Variants in CHD5 observed in about 807,000 individuals in gnomAD.
CHD5 encodes the protein ATP-dependent chromatin remodeler CHD5.
Under a neutral mutation model 230.3 loss-of-function variants are expected in CHD5, and 69 were observed. That is an observed-to-expected ratio of 0.30 (90% CI 0.25 to 0.37). The LOEUF (loss-of-function observed/expected upper bound fraction) is 0.37, where lower values mean the gene tolerates loss of function less well. CHD5 is among the 10% of genes least tolerant of loss of function. The probability of loss-of-function intolerance (pLI) is 1.00; values close to 1 mark genes in which losing one functional copy is unlikely to be tolerated. For missense variants in CHD5, 1,827 were observed against 2,622.8 expected, an observed-to-expected ratio of 0.70 and a Z score of 6.63; for synonymous variants, 1,064 against 1,065.9, an observed-to-expected ratio of 1.00 and a Z score of 0.03.
At chr1:6,145,266 G>A (rs143916311) in intron 11 of CHD5, among the ~76,000 whole-genome samples, 756 of 152,348 alleles carry the variant, frequency 5.0e-3, no homozygotes, top group Non-Finnish European at 8.2e-3. Flanking sequence ...GATGGGAACC[G>A]GGATTGAAAT....
At chr1:6,143,621 G>A (rs1469656845) in intron 13 of CHD5, among the ~76,000 whole-genome samples, 1 of 152,210 alleles carries the variant, frequency 6.6e-6, no homozygotes, top group African/African-American at 2.4e-5. Flanking sequence ...CCAGGTGAGA[G>A]TGGTGTGTAA....
At chr1:6,172,605 C>CA (rs1667355890) in intron 1 of CHD5, among the ~76,000 whole-genome samples, 1 of 150,920 alleles carries the variant, frequency 6.6e-6, no homozygotes, top group African/African-American at 2.5e-5. Flanking sequence ...ACTGTTTGAA[C>CA]ACAGGCAGTG....
At chr1:6,173,326 G>A (rs1046077882) in intron 1 of CHD5, among the ~76,000 whole-genome samples, 5 of 151,846 alleles carry the variant, frequency 3.3e-5, no homozygotes, top group African/African-American at 1.2e-4. Context: ...GGATGGTCTC[G>A]ATCTCCTGAC....
Position 6,149,341 on chromosome 1 carries a change from T to C in CHD5, c.1066A>G (p.Ile356Val), listed in dbSNP as rs1372162079. 6.2e-7 allele frequency: 1 copy of C among 1,612,652 alleles called. No individual in the cohort carries two copies. The highest frequency in any genetic ancestry group is 8.5e-7 in the Non-Finnish European group (1 of 1,179,676). Reference protein sequence around the residue: ...CEVCQQGGEIILCDTCPRAYH... With the variant: ...CEVCQQGGEIVLCDTCPRAYH... ...GCCCTCGGGCAGGTGTCGCACAGGATGATCTCCCCACCCTGCTGGCACACC... is the reference window on the plus strand; with the variant it reads ...GCCCTCGGGCAGGTGTCGCACAGGACGATCTCCCCACCCTGCTGGCACACC... The change falls in exon 8 of 42, where the codon ATC becomes GTC. Residue 356 changes from isoleucine (I) to valine (V), a missense_variant. Around this residue, in one of 14 missense-constraint regions of CHD5, gnomAD observed 657 missense variants for 816.4 expected, o/e 0.80. Transcript: ENST00000262450.
At position 6,142,528 on chromosome 1, in the gene CHD5, G is replaced by A; in HGVS notation, c.2121C>T (p.Gly707=). The A allele has an allele frequency of 6.2e-7, 1 of 1,614,130 alleles. No individual in the cohort carries two copies. Among genetic ancestry groups the A allele is most frequent in the Non-Finnish European group, 8.5e-7 (1 of 1,180,040 alleles). Residue 707 remains glycine (G), a synonymous_variant, in exon 14 of 42, where the codon GGC becomes GGT. Transcript: ENST00000262450. This position sits in a 1 kb window ranked among gnomAD's most constrained non-coding sequence, Gnocchi z 5.2. The stretch of plus-strand genomic sequence containing the variant: ...CCCAAGAGAAGCGCAGCCAGTTGAG[G>A]CCCTCCAGCTGGTACGGGTGCAGTG... ...GGTLHPYQLE[G]LNWLRFSWAQ...
In CHD5 at chr1:6,128,451, GC is replaced by G; in HGVS notation, c.3730+47del. 1.4e-6 allele frequency: 2 copies of G among 1,473,230 alleles called. No individual in the cohort carries two copies. Among genetic ancestry groups the G allele is most frequent in the Non-Finnish European group, 1.9e-6 (2 of 1,056,236 alleles). The allele number at this position is 1,473,230 out of a possible 1,614,324, so 91.3% of individuals were successfully genotyped here. On this transcript the variant is annotated intron_variant, in intron 24 of 41. Transcript: ENST00000262450. The surrounding 1 kb of genome is among the most constrained non-coding windows in gnomAD (Gnocchi z 7.8). ...AGGGAACCCCTCCTCTGCAGGAGCA[GC>G]CACCTGGTCGGAGGAGGAGCTGAGG...
At position 6,105,683 on chromosome 1, in the gene CHD5, C is replaced by T. The variant is rs886297305; in HGVS notation, c.*47-256G>A. ...CTCTGGAGCCTCCTCCAGCAAGACA[C>T]GGTTCCCACAGGGACAGACACAGCG... On this transcript the variant is annotated intron_variant, in intron 41 of 41. Transcript: ENST00000262450. This position sits in a 1 kb window ranked among gnomAD's most constrained non-coding sequence, Gnocchi z 4.8. Among the ~76,000 whole-genome samples the T allele has an allele frequency of 6.6e-6, 1 of 152,168 alleles. No individual in the cohort carries two copies. Among genetic ancestry groups the T allele is most frequent in the Non-Finnish European group, 1.5e-5 (1 of 68,024 alleles).
In CHD5 at chr1:6,155,450, C is replaced by T. The variant is rs1667066228; in HGVS notation, c.506+149G>A. 3 of 653,638 alleles carry T rather than the reference C, an allele frequency of 4.6e-6. No homozygotes were observed. Among genetic ancestry groups the T allele is most frequent in the Non-Finnish European group, 8.1e-6 (3 of 368,890 alleles). The allele number at this position is 653,638 out of a possible 1,614,324, so 40.5% of individuals were successfully genotyped here. On this transcript the variant is annotated intron_variant, in intron 4 of 41. Coordinates refer to ENST00000262450, the MANE Select transcript of CHD5 (RefSeq NM_015557.3). This position sits in a 1 kb window ranked among gnomAD's most constrained non-coding sequence, Gnocchi z 4.0. ...CTGTTAACATGAAGGGGTCCTGCCC[C>T]CTCCCTCCAGCTCCCCCAGGTTGCT...
At position 6,124,675 on chromosome 1, in the gene CHD5, G is replaced by GT. The variant is rs1239420848; in HGVS notation, c.4395-15_4395-14insA. 1.3e-6 allele frequency: 1 copy of GT among 773,252 alleles called. No individual in the cohort carries two copies. Among genetic ancestry groups the GT allele is most frequent in the East Asian group, 2.9e-5 (1 of 34,314 alleles). 47.9% of individuals were successfully genotyped at this position (773,252 alleles called of 1,614,324 possible). A position where few individuals can be genotyped will look rare whatever the true frequency, so the allele number is the denominator to read the frequency against. ...GACACATAGGCTCTGGGGTGGGGGG[G>GT]GGGGACTGGGGCTCAGGGAGTGGGG... On this transcript the variant is annotated splice_polypyrimidine_tract_variant and intron_variant, in intron 29 of 41. Coordinates refer to ENST00000262450, the MANE Select transcript of CHD5 (RefSeq NM_015557.3).
At chr1:6,145,158 C>T (rs555508106) in intron 11 of CHD5, among the ~76,000 whole-genome samples, 1 of 152,228 alleles carries the variant, frequency 6.6e-6, no homozygotes, top group East Asian at 1.9e-4. Flanking sequence ...TTTCAAATTC[C>T]GCGACCCTCG....
chr1:6,150,549 T>A (rs1666989320), intron 7 of CHD5, among the ~76,000 whole-genome samples: 1 of 150,912 alleles, frequency 6.6e-6, no homozygotes, highest in South Asian at 2.1e-4. Flanking sequence ...GACGGATGGA[T>A]GGACAAATGG....
chr1:6,154,389 T>G lies in CHD5; in HGVS notation c.745+271A>C, dbSNP rs886088908. On this transcript the variant is annotated intron_variant, in intron 5 of 41. Transcript: ENST00000262450. The surrounding 1 kb of genome is among the most constrained non-coding windows in gnomAD (Gnocchi z 7.0). ...GCCCACGTCGGGGGCACCTCCTGGC[T>G]GGCCAGGCTCAAACCTCCCAGACCT... 1.3e-5 allele frequency among the ~76,000 whole-genome samples: 2 copies of G among 152,142 alleles called. No homozygotes were observed. Among genetic ancestry groups the G allele is most frequent in the Admixed American group, 1.3e-4 (2 of 15,282 alleles).
chr1:6,176,914 T>G (rs543718432), intron 1 of CHD5, among the ~76,000 whole-genome samples: 1 of 152,240 alleles, frequency 6.6e-6, no homozygotes, highest in African/African-American at 2.4e-5. Context: ...ATCTGGCAAC[T>G]GCTGGTCCCC....
At position 6,142,633 on chromosome 1, in the gene CHD5, G is replaced by A. The variant is rs140069366; in HGVS notation, c.2044-28C>T. Reference sequence around the variant, plus strand: ...GCAGGGGAGGCAGCGGTTCAGACACGCCCCAGATCCTGGGCCACCAGAGTC... The same window carrying A: ...GCAGGGGAGGCAGCGGTTCAGACACACCCCAGATCCTGGGCCACCAGAGTC... On this transcript the variant is annotated intron_variant, in intron 13 of 41. Transcript: ENST00000262450. The surrounding 1 kb of genome is among the most constrained non-coding windows in gnomAD (Gnocchi z 5.2). 9 of 1,587,842 alleles carry A rather than the reference G, an allele frequency of 5.7e-6. No homozygotes were observed. The highest frequency in any genetic ancestry group is 2.3e-5 in the South Asian group (2 of 87,472).
rs1434137645 is a variant in CHD5, at chr1:6,135,227, C to T, written c.2870+3G>A. ...GCTGCTCCGGGGTCAGCCCATCACT[C>T]ACTTCTGCATCTGGCTCAGCTCCAC... is the stretch of plus-strand genomic sequence containing the variant. On this transcript the variant is annotated splice_donor_region_variant and intron_variant, in intron 18 of 41. Coordinates refer to ENST00000262450, the MANE Select transcript of CHD5 (RefSeq NM_015557.3). 1.2e-6 allele frequency: 2 copies of T among 1,613,954 alleles called. No individual in the cohort carries two copies. Among genetic ancestry groups the T allele is most frequent in the South Asian group, 1.1e-5 (1 of 91,074 alleles).
chr1:6,170,894 C>G (rs1054875022), intron 1 of CHD5, among the ~76,000 whole-genome samples: 9 of 152,192 alleles, frequency 5.9e-5, no homozygotes, highest in African/African-American at 2.2e-4. Context: ...GATGGGATGC[C>G]AGTCCACAAC....
intron 11 of CHD5, among the ~76,000 whole-genome samples, chr1:6,145,882 TC>T (rs1666901697): frequency 6.6e-6 from 1 of 152,146 alleles, no homozygotes; most frequent in Non-Finnish European, 1.5e-5. Flanking sequence ...GTGGACATAC[TC>T]CCACACCTCG....
rs1430139780 is a variant in CHD5, at chr1:6,149,439, A to T, written c.995-27T>A. ...TAGGGTAGGGGAGAGGCAGTCATGG[A>T]AGTCCTCATCCACACTCCCAGCACA... On this transcript the variant is annotated intron_variant, in intron 7 of 41. Coordinates refer to ENST00000262450, the MANE Select transcript of CHD5 (RefSeq NM_015557.3). The T allele has an allele frequency of 2.5e-6, 4 of 1,582,506 alleles. No homozygotes were observed. In the Admixed American group the frequency reaches 6.8e-5, roughly 27 times the overall value.
rs1666521314 is a variant in CHD5 at position 6,124,521 on chromosome 1, T to C, written c.4535A>G (p.Lys1512Arg). ...TACAGAGAGTTACTCACCCACCTTC[T>C]TCCTAACTAGTGACATGACCCCGAT... ...TRIGVMSLVR[K>R]KVQEFEHVNG... is the part of the protein sequence containing the mutation. Residue 1512 changes from lysine to arginine, a missense_variant, in exon 30 of 42, where the codon AAG becomes AGG. Coordinates refer to ENST00000262450, the MANE Select transcript of CHD5 (RefSeq NM_015557.3). The C allele has an allele frequency of 6.2e-7, 1 of 1,613,960 alleles. No homozygotes were observed. Among genetic ancestry groups the C allele is most frequent in the Non-Finnish European group, 8.5e-7 (1 of 1,179,996 alleles).
Sources: gnomAD v4.1 joint callset for allele counts (sites outside exome capture counted in the v4.1 genomes callset) on GRCh38, gnomAD v4.1.1 for gene constraint, gnomAD v4.1.1 regional missense constraint, Gnocchi (gnomAD v3.1) non-coding constraint, MANE v1.5 for transcripts, NCBI Gene and HGNC (gene_info 2026-07-23, HGNC 2026-07-21) for gene names.